RNF19A: variants seen among roughly 807,000 people sequenced by gnomAD.
RNF19A encodes E3 ubiquitin-protein ligase RNF19A.
RNF19A carries 32 observed loss-of-function variants against 75.7 expected under a neutral mutation model. The ratio of observed to expected loss-of-function variants is 0.42; its 90% confidence interval spans 0.32 to 0.57. The LOEUF is 0.57. Ranked by LOEUF, RNF19A falls within the 20% of genes least tolerant of loss-of-function variation. RNF19A has a pLI of 0.10. For synonymous variants in RNF19A, 335 were observed against 345.2 expected, an observed-to-expected ratio of 0.97 and a Z score of 0.33; for missense variants, 782 against 1,036.3, an observed-to-expected ratio of 0.75 and a Z score of 3.37.
At position 100,261,530 on chromosome 8, in the gene RNF19A, C is replaced by G. The variant is rs1455068573; in HGVS notation, c.1682+12G>C. On this transcript the variant is annotated intron_variant, in intron 8 of 9. Coordinates refer to ENST00000341084, the MANE Select transcript of RNF19A (RefSeq NM_183419.4). This position sits in a 1 kb window ranked among gnomAD's most constrained non-coding sequence, Gnocchi z 4.4. ...ACCAGAAAGCAGAACCAAACCAAAC[C>G]AAAACACACACCTGTTAAAACAGTT... 6.2e-7 allele frequency: 1 copy of G among 1,612,642 alleles called. No homozygotes were observed. The highest frequency in any genetic ancestry group is 8.5e-7 in the Non-Finnish European group (1 of 1,178,942).
At chr8:100,291,259 G>A (rs922072451) in intron 1 of RNF19A, among the ~76,000 whole-genome samples, 7 of 152,084 alleles carry the variant, frequency 4.6e-5, no homozygotes, top group African/African-American at 1.4e-4. Context: ...TAACAAACCC[G>A]GCACCGTACT....
At chr8:100,268,040 TTTC>T (rs1820070237) in intron 5 of RNF19A, among the ~76,000 whole-genome samples, 1 of 151,990 alleles carries the variant, frequency 6.6e-6, no homozygotes, top group South Asian at 2.1e-4. Flanking sequence ...TTGGGATTAA[TTTC>T]TTTTTATTTT....
At position 100,324,974 on chromosome 8, in the gene RNF19A, T is replaced by C. The variant is rs1331101545; in HGVS notation, c.-243+11134A>G. On this transcript the variant is annotated intron_variant, in intron 1 of 3. Coordinates refer to the RNF19A transcript ENST00000519527. The surrounding 1 kb of genome is among the most constrained non-coding windows in gnomAD (Gnocchi z 4.2). Reference sequence around the variant, plus strand: ...CAGGCTGGAGTGCAATGGCACAACCTCAGCTTACTGCAAACTCCACCTCCC... The same window carrying C: ...CAGGCTGGAGTGCAATGGCACAACCCCAGCTTACTGCAAACTCCACCTCCC... Among the ~76,000 whole-genome samples, 1 of 151,984 alleles carries C rather than the reference T, an allele frequency of 6.6e-6. No individual in the cohort carries two copies. Among genetic ancestry groups the C allele is most frequent in the Non-Finnish European group, 1.5e-5 (1 of 68,020 alleles).
chr8:100,300,963 T>C (rs1265180652), intron 1 of RNF19A, among the ~76,000 whole-genome samples: 4 of 152,238 alleles, frequency 2.6e-5, no homozygotes, highest in Non-Finnish European at 5.9e-5. Context: ...CTCAAGAGGC[T>C]GCACCAACTT....
chr8:100,310,204 T>G (rs971101800), upstream of RNF19A: 2 of 985,094 alleles, frequency 2.0e-6, no homozygotes, highest in Admixed American at 6.1e-5. Flanking sequence ...CTGTGCGTCA[T>G]GGCGTCACGC....
chr8:100,276,723 CAA>C lies in RNF19A; in HGVS notation c.675-1564_675-1563del, dbSNP rs60419107. 8.7e-3 allele frequency among the ~76,000 whole-genome samples: 698 copies of C among 80,530 alleles called. 6 individuals are homozygous for C. Among genetic ancestry groups the C allele is most frequent in the African/African-American group, 0.027 (669 of 25,030 alleles). The allele number at this position is 80,530 out of a possible 152,430, so 52.8% of individuals were successfully genotyped here. A position where few individuals can be genotyped will look rare whatever the true frequency, so the allele number is the denominator to read the frequency against. On this transcript the variant is annotated intron_variant, in intron 2 of 9. Coordinates refer to ENST00000341084, the MANE Select transcript of RNF19A (RefSeq NM_183419.4). ...GTGAGCCAAGATCACACCACTGTAC[CAA>C]AAAAAAAAAAAAAAAAAAGAAAAAA...
rs559897681 is a variant in RNF19A at position 100,302,376 on chromosome 8, G to C, written c.-94+7491C>G. Among the ~76,000 whole-genome samples the C allele has an allele frequency of 2.4e-4, 36 of 152,344 alleles. 1 individual carries two copies. The South Asian group carries it at 7.5e-3, about 32-fold the overall frequency. ...GATGGATTACAAGAGGATTTGGCCT[G>C]ATTAATCAGAAGGCTGAAACTGCTA... is the stretch of plus-strand genomic sequence containing the variant. On this transcript the variant is annotated intron_variant, in intron 1 of 9. Coordinates refer to ENST00000341084, the MANE Select transcript of RNF19A (RefSeq NM_183419.4).
At chr8:100,274,138 G>GT (rs1055947548) in intron 3 of RNF19A, among the ~76,000 whole-genome samples, 2 of 152,182 alleles carry the variant, frequency 1.3e-5, no homozygotes, top group Non-Finnish European at 2.9e-5. Flanking sequence ...TGCTCACGGA[G>GT]TAAGTAGAGA....
intron 1 of RNF19A, among the ~76,000 whole-genome samples, chr8:100,289,811 T>G (rs1376273500): frequency 4.6e-5 from 7 of 152,250 alleles, no homozygotes; most frequent in Admixed American, 3.9e-4. Flanking sequence ...GAAAAATGAA[T>G]GTACACATAC....
Position 100,264,592 on chromosome 8 carries a change from A to C in RNF19A, c.1306+79T>G. On this transcript the variant is annotated intron_variant, in intron 6 of 9. Coordinates refer to ENST00000341084, the MANE Select transcript of RNF19A (RefSeq NM_183419.4). This position sits in a 1 kb window ranked among gnomAD's most constrained non-coding sequence, Gnocchi z 4.7. ...AATTTAAATTGTCCTCAAATTAAAA[A>C]ACAATTAAAAAAAATCCTTCCACAA... 4 of 941,104 alleles carry C rather than the reference A, an allele frequency of 4.3e-6. No individual in the cohort carries two copies. Among genetic ancestry groups the C allele is most frequent in the Non-Finnish European group, 3.3e-6 (2 of 599,810 alleles). The allele number at this position is 941,104 out of a possible 1,614,324, so 58.3% of individuals were successfully genotyped here.
At chr8:100,306,074 C>T (rs571373977) in intron 1 of RNF19A, among the ~76,000 whole-genome samples, 60 of 152,294 alleles carry the variant, frequency 3.9e-4, no homozygotes, top group African/African-American at 1.4e-3. Context: ...CTACCAAAGT[C>T]TCTTCAATTG....
intron 3 of RNF19A, among the ~76,000 whole-genome samples, chr8:100,274,320 T>C (rs1820400936): frequency 6.6e-6 from 1 of 152,224 alleles, no homozygotes; most frequent in Admixed American, 6.5e-5. Context: ...AGTTTAGGTA[T>C]ATTCAGGTCC....
rs1450642610 is a variant in RNF19A at position 100,325,464 on chromosome 8, C to A, written c.-243+10644G>T. On this transcript the variant is annotated intron_variant, in intron 1 of 3. Transcript: ENST00000519527. The surrounding 1 kb of genome is among the most constrained non-coding windows in gnomAD (Gnocchi z 4.3). ...ATGATCTCTGATGCTGGTGAGACCA[C>A]ACCTTGTCACCTCTAGGTCCTCCCT... 6.6e-6 allele frequency among the ~76,000 whole-genome samples: 1 copy of A among 152,152 alleles called. No homozygotes were observed. The highest frequency in any genetic ancestry group is 1.5e-5 in the Non-Finnish European group (1 of 68,024).
intron 2 of RNF19A, among the ~76,000 whole-genome samples, chr8:100,279,555 T>C (rs553259506): frequency 1.3e-5 from 2 of 152,214 alleles, no homozygotes; most frequent in African/African-American, 4.8e-5. Flanking sequence ...TGTACTTTTA[T>C]TTTTTATTTA....
Position 100,317,561 on chromosome 8 carries a change from C to T in RNF19A, c.-242-4189G>A, listed in dbSNP as rs1479178208. ...GTCTTCTTGATGGATTCTCAGGCGA[C>T]TGTTCCCATTTGCCTACTCCAGTCT... On this transcript the variant is annotated intron_variant, in intron 1 of 3. Coordinates refer to the RNF19A transcript ENST00000519527. This position sits in a 1 kb window ranked among gnomAD's most constrained non-coding sequence, Gnocchi z 4.3. Among the ~76,000 whole-genome samples the T allele has an allele frequency of 6.6e-6, 1 of 152,224 alleles. No homozygotes were observed. The highest frequency in any genetic ancestry group is 1.9e-4 in the East Asian group (1 of 5,192).
rs1423050401 is a variant in RNF19A, at chr8:100,333,575, A to C, written c.-243+2533T>G. Among the ~76,000 whole-genome samples the C allele has an allele frequency of 1.3e-5, 2 of 152,244 alleles. No individual in the cohort carries two copies. Among genetic ancestry groups the C allele is most frequent in the Non-Finnish European group, 1.5e-5 (1 of 68,040 alleles). ...CAAAGCAGCAGTTACCTGTGTTTAGAGATTATGCATAATATTTTTCTGGTT... is the reference window on the plus strand; with the variant it reads ...CAAAGCAGCAGTTACCTGTGTTTAGCGATTATGCATAATATTTTTCTGGTT... On this transcript the variant is annotated intron_variant, in intron 1 of 3. Coordinates refer to the RNF19A transcript ENST00000519527. This position sits in a 1 kb window ranked among gnomAD's most constrained non-coding sequence, Gnocchi z 4.7.
At chr8:100,300,875 C>T (rs1365059584) in intron 1 of RNF19A, among the ~76,000 whole-genome samples, 2 of 152,088 alleles carry the variant, frequency 1.3e-5, no homozygotes, top group Non-Finnish European at 2.9e-5. Context: ...GAAAAGGCTA[C>T]AAATTCTGGA....
rs1041359610 is a variant in RNF19A at position 100,275,389 on chromosome 8, G to A, written c.675-228C>T. 6.9e-6 allele frequency among the ~76,000 whole-genome samples: 1 copy of A among 145,970 alleles called. No homozygotes were observed. The highest frequency in any genetic ancestry group is 1.5e-5 in the Non-Finnish European group (1 of 65,988). ...AAAAGTTCAATTTTTAACTTTCAGGGTTTTTTTTTTAGGTTCAGGGTTTTT... is the reference window on the plus strand; with the variant it reads ...AAAAGTTCAATTTTTAACTTTCAGGATTTTTTTTTTAGGTTCAGGGTTTTT... On this transcript the variant is annotated intron_variant, in intron 2 of 9. Coordinates refer to ENST00000341084, the MANE Select transcript of RNF19A (RefSeq NM_183419.4). The surrounding 1 kb of genome is among the most constrained non-coding windows in gnomAD (Gnocchi z 4.3).
Position 100,261,482 on chromosome 8 carries a change from C to A in RNF19A, c.1682+60G>T. The A allele has an allele frequency of 7.4e-7, 1 of 1,344,734 alleles. No homozygotes were observed. Among genetic ancestry groups the A allele is most frequent in the Non-Finnish European group, 1.1e-6 (1 of 937,868 alleles). The allele number at this position is 1,344,734 out of a possible 1,614,324, so 83.3% of individuals were successfully genotyped here. Reference sequence around the variant, plus strand: ...CATCATGCTTTATGTTCAAAATTCTCACCTAATTAATAATTTGTAGTTACC... The same window carrying A: ...CATCATGCTTTATGTTCAAAATTCTAACCTAATTAATAATTTGTAGTTACC... On this transcript the variant is annotated intron_variant, in intron 8 of 9. Coordinates refer to ENST00000341084, the MANE Select transcript of RNF19A (RefSeq NM_183419.4). The surrounding 1 kb of genome is among the most constrained non-coding windows in gnomAD (Gnocchi z 4.4).
Sources: gnomAD v4.1 joint callset for allele counts (sites outside exome capture counted in the v4.1 genomes callset) on GRCh38, gnomAD v4.1.1 for gene constraint, Gnocchi (gnomAD v3.1) non-coding constraint, MANE v1.5 for transcripts, NCBI Gene and HGNC (gene_info 2026-07-23, HGNC 2026-07-21) for gene names.